SH3RF3: variants seen among roughly 807,000 people sequenced by gnomAD.
SH3RF3 encodes the protein E3 ubiquitin-protein ligase SH3RF3.
SH3RF3 carries 29 observed loss-of-function variants against 66.3 expected under a neutral mutation model. That is an observed-to-expected ratio of 0.44 (90% CI 0.33 to 0.60). The LOEUF (loss-of-function observed/expected upper bound fraction) is 0.60. Among genes scored for constraint, SH3RF3 ranks in the 20% least tolerant of loss-of-function variants. SH3RF3 has a pLI of 0.04. For missense variants in SH3RF3, 1,194 were observed against 1,190.9 expected, an observed-to-expected ratio of 1.00 and a Z score of -0.04; for synonymous variants, 583 against 532.0, an observed-to-expected ratio of 1.10 and a Z score of -1.32.
At chr2:109,281,140 A>G (rs1680883795) in intron 1 of SH3RF3, among the ~76,000 whole-genome samples, 1 of 152,218 alleles carries the variant, frequency 6.6e-6, no homozygotes, top group South Asian at 2.1e-4. Context: ...CACCTATGCC[A>G]TAGGAAATGG....
At chr2:109,378,031 C>A (rs946208227) in intron 3 of SH3RF3, among the ~76,000 whole-genome samples, 3 of 152,240 alleles carry the variant, frequency 2.0e-5, no homozygotes, top group Non-Finnish European at 4.4e-5. Context: ...GCCATTTTAC[C>A]TTGGTCTTGT....
chr2:109,487,273 G>A (rs1385372658), intron 8 of SH3RF3, among the ~76,000 whole-genome samples: 2 of 152,132 alleles, frequency 1.3e-5, no homozygotes, highest in Non-Finnish European at 2.9e-5. Flanking sequence ...ATCAGTCTAT[G>A]AGCCTCTCCC....
At chr2:109,131,698 A>G (rs2104797570) in intron 1 of SH3RF3, among the ~76,000 whole-genome samples, 1 of 152,310 alleles carries the variant, frequency 6.6e-6, no homozygotes, top group East Asian at 1.9e-4. Context: ...AGAACTTGTC[A>G]AAGGGGTTGA....
At chr2:109,403,427 G>A (rs769987251) in intron 4 of SH3RF3, among the ~76,000 whole-genome samples, 10 of 152,210 alleles carry the variant, frequency 6.6e-5, no homozygotes, top group Non-Finnish European at 1.3e-4. Flanking sequence ...TGAGGAAGCC[G>A]AGGCCCCAGG....
At chr2:109,331,758 A>G (rs1490345714) in intron 1 of SH3RF3, among the ~76,000 whole-genome samples, 1 of 152,160 alleles carries the variant, frequency 6.6e-6, no homozygotes, top group Non-Finnish European at 1.5e-5. Context: ...GGTGGCCAAT[A>G]AGTACTTGGT....
intron 3 of SH3RF3, among the ~76,000 whole-genome samples, chr2:109,388,234 TC>T (rs1160586717): frequency 6.6e-6 from 1 of 152,226 alleles, no homozygotes; most frequent in Non-Finnish European, 1.5e-5. Flanking sequence ...TGAGTTGTCT[TC>T]CCCTCTCAGC....
At chr2:109,192,081 C>T (rs1321820924) in intron 1 of SH3RF3, among the ~76,000 whole-genome samples, 3 of 152,106 alleles carry the variant, frequency 2.0e-5, no homozygotes, top group Non-Finnish European at 2.9e-5. Context: ...CTTTGCAAAC[C>T]GAGCGACAGA....
intron 1 of SH3RF3, among the ~76,000 whole-genome samples, chr2:109,215,361 GGGA>G (rs977237393): frequency 6.6e-6 from 1 of 152,188 alleles, no homozygotes; most frequent in African/African-American, 2.4e-5. Flanking sequence ...CACCAGAGAA[GGGA>G]GGGTGCATTC....
In SH3RF3 at chr2:109,141,310, A is replaced by T. The variant is rs922997749; in HGVS notation, c.573+11197A>T. 3.3e-5 allele frequency among the ~76,000 whole-genome samples: 5 copies of T among 152,182 alleles called. No homozygotes were observed. The South Asian group carries it at 6.2e-4, about 19-fold the overall frequency. On this transcript the variant is annotated intron_variant, in intron 1 of 9. Coordinates refer to ENST00000309415, the MANE Select transcript of SH3RF3 (RefSeq NM_001099289.3). ...TGCTCTGTCGGCTTTTGCAGTTGCC[A>T]CTGGCTGGCTTTCTGGAGGCAGCCT... is the stretch of plus-strand genomic sequence containing the variant.
At chr2:109,325,505 A>G (rs1340960461) in intron 1 of SH3RF3, among the ~76,000 whole-genome samples, 1 of 151,480 alleles carries the variant, frequency 6.6e-6, no homozygotes, top group Non-Finnish European at 1.5e-5. Context: ...CATGTACAGC[A>G]TATCATTTCC....
In SH3RF3 at chr2:109,283,617, G is replaced by A. The variant is rs564905021; in HGVS notation, c.574-64057G>A. ...CTAAAAGCTGGGGCTGAGGGAGAGCGCTGCAGGGAGCTGTACTGTACTGTG... is the reference window on the plus strand; with the variant it reads ...CTAAAAGCTGGGGCTGAGGGAGAGCACTGCAGGGAGCTGTACTGTACTGTG... On this transcript the variant is annotated intron_variant, in intron 1 of 9. Coordinates refer to ENST00000309415, the MANE Select transcript of SH3RF3 (RefSeq NM_001099289.3). 2.1e-4 allele frequency among the ~76,000 whole-genome samples: 32 copies of A among 152,314 alleles called. 1 individual carries two copies. Among genetic ancestry groups the A allele is most frequent in the Non-Finnish European group, 1.0e-4 (7 of 68,022 alleles).
intron 1 of SH3RF3, among the ~76,000 whole-genome samples, chr2:109,270,725 G>A (rs940487148): frequency 6.6e-6 from 1 of 152,210 alleles, no homozygotes; most frequent in Admixed American, 6.5e-5. Flanking sequence ...GACCGTTCCT[G>A]GACTGTTACT....
At chr2:109,230,928 C>T (rs1679499718) in intron 1 of SH3RF3, among the ~76,000 whole-genome samples, 1 of 152,224 alleles carries the variant, frequency 6.6e-6, no homozygotes, top group Admixed American at 6.5e-5. Context: ...ACAGCTCAAA[C>T]AGGAAGGCAG....
chr2:109,423,850 A>C (rs992852359), intron 5 of SH3RF3, among the ~76,000 whole-genome samples: 2 of 152,012 alleles, frequency 1.3e-5, no homozygotes, highest in African/African-American at 2.4e-5. Context: ...CTTCATCCCC[A>C]CCCCTGCCGC....
intron 3 of SH3RF3, among the ~76,000 whole-genome samples, chr2:109,372,295 T>G (rs1683289132): frequency 6.6e-6 from 1 of 152,234 alleles, no homozygotes; most frequent in Admixed American, 6.5e-5. Flanking sequence ...AGAAAGCATC[T>G]TAACACGTGT....
At chr2:109,242,139 C>T (rs1679799723) in intron 1 of SH3RF3, among the ~76,000 whole-genome samples, 1 of 152,098 alleles carries the variant, frequency 6.6e-6, no homozygotes, top group Non-Finnish European at 1.5e-5. Flanking sequence ...TCATGGTGGG[C>T]TCCCTGAGGA....
chr2:109,317,933 A>T (rs1422060166), intron 1 of SH3RF3, among the ~76,000 whole-genome samples: 1 of 151,978 alleles, frequency 6.6e-6, no homozygotes. Context: ...CGCTGAGGGG[A>T]CTCGCACAAC....
At chr2:109,141,101 T>G (rs1305872070) in intron 1 of SH3RF3, among the ~76,000 whole-genome samples, 4 of 152,180 alleles carry the variant, frequency 2.6e-5, no homozygotes, top group African/African-American at 7.2e-5. Context: ...TTGGTGCTCA[T>G]TTTAGTCGAC....
At chr2:109,230,327 G>A (rs1433195111) in intron 1 of SH3RF3, among the ~76,000 whole-genome samples, 1 of 152,138 alleles carries the variant, frequency 6.6e-6, no homozygotes, top group African/African-American at 2.4e-5. Context: ...TGTAAACCCA[G>A]CACTTCCGAG....
Sources: allele counts gnomAD v4.1 joint callset (sites outside exome capture counted in the v4.1 genomes callset), GRCh38; gene constraint gnomAD v4.1.1; transcripts MANE v1.5; gene names NCBI Gene and HGNC (gene_info 2026-07-23, HGNC 2026-07-21).